KCNQ5: variants seen among roughly 807,000 people sequenced by gnomAD.
KCNQ5 encodes the protein potassium voltage-gated channel subfamily Q member 5, also known as potassium voltage-gated channel subfamily KQT member 5.
KCNQ5 carries 30 observed loss-of-function variants against 98.2 expected under a neutral mutation model. The ratio of observed to expected loss-of-function variants is 0.31; its 90% CI spans 0.23 to 0.41. The LOEUF (loss-of-function observed/expected upper bound fraction) is 0.41, where lower values mean the gene tolerates loss of function less well. Ranked by LOEUF, KCNQ5 falls within the 10% of genes least tolerant of loss-of-function variation. The pLI, the probability that KCNQ5 is intolerant of heterozygous loss-of-function variation, is 1.00. For synonymous variants in KCNQ5, 458 were observed against 449.4 expected, an observed-to-expected ratio of 1.02 and a Z score of -0.24; for missense variants, 835 against 1,182.5, an observed-to-expected ratio of 0.71 and a Z score of 4.31.
chr6:72,771,199 T>C (rs930420693), intron 1 of KCNQ5, among the ~76,000 whole-genome samples: 9 of 152,046 alleles, frequency 5.9e-5, no homozygotes, highest in African/African-American at 2.2e-4. Context: ...TGGGTGGGTG[T>C]GGGGCAGACA....
rs2150457602 is a variant in KCNQ5 at position 73,133,531 on chromosome 6, C to T, written c.1358C>T (p.Thr453Ile). ...AGGAGGTCCCCAAGCACCGACATCA[C>T]AGCCGAGGGCAGTCCCACCAAAGTG... The part of the protein sequence containing the change: ...GDRRSPSTDI[T>I]AEGSPTKVQK... The change falls in exon 10 of 14, where the codon ACA (threonine) becomes ATA (isoleucine). Residue 453 changes from threonine (T) to isoleucine (I), a missense_variant. This residue lies in a region of KCNQ5 where 146 missense variants were observed against 256.7 expected (regional missense o/e 0.57). Coordinates refer to ENST00000370398, the MANE Select transcript of KCNQ5 (RefSeq NM_019842.4). 6.2e-7 allele frequency: 1 copy of T among 1,614,208 alleles called. No individual in the cohort carries two copies. Among genetic ancestry groups the T allele is most frequent in the Non-Finnish European group, 8.5e-7 (1 of 1,180,036 alleles).
chr6:73,023,050 T>C (rs1416116669), intron 2 of KCNQ5, among the ~76,000 whole-genome samples: 2 of 152,178 alleles, frequency 1.3e-5, no homozygotes, highest in South Asian at 2.1e-4. Context: ...GAGGAATAAC[T>C]GGAATGGAGA....
At chr6:72,691,447 C>T (rs113309515) in intron 1 of KCNQ5, among the ~76,000 whole-genome samples, 83 of 152,266 alleles carry the variant, frequency 5.5e-4, no homozygotes, top group Non-Finnish European at 8.1e-4. Context: ...TTTGAGTTAG[C>T]AGATGAAAAT....
At chr6:72,647,297 A>T (rs1170771477) in intron 1 of KCNQ5, among the ~76,000 whole-genome samples, 2 of 152,178 alleles carry the variant, frequency 1.3e-5, no homozygotes, top group East Asian at 3.9e-4. Flanking sequence ...TCATCAGTAG[A>T]GTTGAATTGA....
chr6:73,063,330 C>T (rs773790109), intron 3 of KCNQ5, among the ~76,000 whole-genome samples: 3 of 152,090 alleles, frequency 2.0e-5, no homozygotes, highest in South Asian at 2.1e-4. Flanking sequence ...TGTGTTTCAC[C>T]GCCTGACCTG....
At chr6:73,175,473 C>G (rs181460917) in intron 11 of KCNQ5, among the ~76,000 whole-genome samples, 229 of 152,234 alleles carry the variant, frequency 1.5e-3, no homozygotes, top group Non-Finnish European at 2.3e-3. Flanking sequence ...TTTTTTCAAC[C>G]ATGAAGAGCA....
At chr6:72,755,752 T>G in intron 1 of KCNQ5, among the ~76,000 whole-genome samples, 1 of 152,362 alleles carries the variant, frequency 6.6e-6, no homozygotes, top group Admixed American at 6.5e-5. Flanking sequence ...AAAAATAATT[T>G]TTAAAAATAT....
At chr6:73,077,653 A>G in intron 4 of KCNQ5, 109 bp from the exon 5 acceptor site, 2 of 1,270,290 alleles carry the variant, frequency 1.6e-6, no homozygotes, top group African/African-American at 1.5e-5. Context: ...TTTAAGAGCC[A>G]TCATAAACAT....
chr6:72,949,265 T>G (rs10943073), intron 1 of KCNQ5, among the ~76,000 whole-genome samples: 94,629 of 151,978 alleles, frequency 0.62, 31,007 homozygotes, highest in Non-Finnish European at 0.73. Flanking sequence ...CTTTTGGAGA[T>G]ATTGTGGCTT....
intron 7 of KCNQ5, among the ~76,000 whole-genome samples, chr6:73,118,873 T>G (rs1205273686): frequency 6.6e-6 from 1 of 152,006 alleles, no homozygotes; most frequent in Non-Finnish European, 1.5e-5. Flanking sequence ...ATACAAAAAT[T>G]AGCTGGATGT....
chr6:72,748,561 C>T (rs879927348), intron 1 of KCNQ5, among the ~76,000 whole-genome samples: 2 of 152,162 alleles, frequency 1.3e-5, no homozygotes, highest in African/African-American at 2.4e-5. Flanking sequence ...TAAATTCCTA[C>T]ACCTTGTTCT....
chr6:73,160,060 C>T (rs571516867), intron 10 of KCNQ5, among the ~76,000 whole-genome samples: 1 of 152,278 alleles, frequency 6.6e-6, no homozygotes, highest in Admixed American at 6.5e-5. Flanking sequence ...GTCGCCCAGG[C>T]TGGAGTGCAC....
At chr6:73,036,818 G>C (rs1771455751) in intron 2 of KCNQ5, among the ~76,000 whole-genome samples, 1 of 152,132 alleles carries the variant, frequency 6.6e-6, no homozygotes, top group African/African-American at 2.4e-5. Context: ...TTCATGTACA[G>C]GTTTTTGTAC....
At chr6:72,946,169 A>G (rs1766537734) in intron 1 of KCNQ5, among the ~76,000 whole-genome samples, 1 of 152,218 alleles carries the variant, frequency 6.6e-6, no homozygotes, top group Non-Finnish European at 1.5e-5. Context: ...ACCAATTGCT[A>G]CATACATCAC....
chr6:72,923,450 C>T (rs1780494126), intron 1 of KCNQ5, among the ~76,000 whole-genome samples: 1 of 152,130 alleles, frequency 6.6e-6, no homozygotes, highest in African/African-American at 2.4e-5. Context: ...GGTGATGTCT[C>T]ATTACAGTTT....
chr6:72,791,888 C>A (rs1176351641), intron 1 of KCNQ5, among the ~76,000 whole-genome samples: 1 of 152,174 alleles, frequency 6.6e-6, no homozygotes, highest in Non-Finnish European at 1.5e-5. Context: ...CATGTGAGGG[C>A]AGAGCCCCTA....
intron 1 of KCNQ5, among the ~76,000 whole-genome samples, chr6:72,941,506 C>A (rs1766274074): frequency 1.0e-5 from 1 of 99,896 alleles, no homozygotes; most frequent in Middle Eastern, 5.2e-3. Context: ...CTTCCTTTTT[C>A]TCTCCCTCCC....
At chr6:72,654,166 G>T (rs1766022231) in intron 1 of KCNQ5, among the ~76,000 whole-genome samples, 1 of 151,866 alleles carries the variant, frequency 6.6e-6, no homozygotes, top group Admixed American at 6.6e-5. Flanking sequence ...TTGTGTTTGA[G>T]ACCATATGGT....
At chr6:72,827,723 T>C (rs1776064254) in intron 1 of KCNQ5, among the ~76,000 whole-genome samples, 1 of 152,152 alleles carries the variant, frequency 6.6e-6, no homozygotes, top group Non-Finnish European at 1.5e-5. Context: ...GCAGAAGCTT[T>C]TTAGTTTTAT....
Sources: allele counts gnomAD v4.1 joint callset (sites outside exome capture counted in the v4.1 genomes callset), GRCh38; gene constraint gnomAD v4.1.1; regional missense constraint gnomAD v4.1.1; transcripts MANE v1.5; gene names NCBI Gene and HGNC (gene_info 2026-07-23, HGNC 2026-07-21).